ZFPM2: variants seen among roughly 807,000 people sequenced by gnomAD.
ZFPM2 encodes zinc finger protein, FOG family member 2.
ZFPM2 carries 20 observed loss-of-function variants against 98.6 expected under a neutral mutation model. The observed-to-expected ratio is 0.20, with a 90% CI of 0.14 to 0.29. The LOEUF is 0.29. Ranked by LOEUF, ZFPM2 falls within the 10% of genes least tolerant of loss-of-function variation. The pLI is 1.00. For synonymous variants in ZFPM2, 518 were observed against 502.7 expected, an observed-to-expected ratio of 1.03 and a Z score of -0.41; for missense variants, 1,310 against 1,388.6, an observed-to-expected ratio of 0.94 and a Z score of 0.90.
rs556705434 is a variant in ZFPM2, at chr8:105,654,583, T to A, written c.532+20226T>A. On this transcript the variant is annotated intron_variant, in intron 5 of 7. Coordinates refer to ENST00000407775, the MANE Select transcript of ZFPM2 (RefSeq NM_012082.4). ...TTATCTTTTTTTCTATCCTTTTTTT[T>A]TTTAAAAATGAAAGCACCTTAGGGA... 4.6e-5 allele frequency among the ~76,000 whole-genome samples: 7 copies of A among 152,244 alleles called. 1 individual carries two copies. In the South Asian group the frequency reaches 1.5e-3, roughly 32 times the overall value.
In ZFPM2 at chr8:105,318,487, C is replaced by G. The variant is rs1259752590; in HGVS notation, c.-455C>G. 1.3e-5 allele frequency among the ~76,000 whole-genome samples: 2 copies of G among 149,848 alleles called. No homozygotes were observed. The highest frequency in any genetic ancestry group is 4.2e-4 in the South Asian group (2 of 4,762). ...GCGGCGGCGGCGGCGCCGGAGTATC[C>G]GTCCCGCACGCCGGGGCGAGGGGCG... On this transcript the variant is annotated 5_prime_UTR_variant, in exon 1 of 8. Transcript: ENST00000407775.
rs567672744 is a variant in ZFPM2, at chr8:105,622,795, A to G, written c.421-11451A>G. 1.2e-4 allele frequency among the ~76,000 whole-genome samples: 19 copies of G among 152,300 alleles called. No individual in the cohort carries two copies. In the East Asian group the frequency reaches 1.9e-3, roughly 15 times the overall value. ...TGCAGAATTAGTATAGTCCTTCTGCATCTGTTGATTTGGTGAAAAAACAAA... is the reference window on the plus strand; with the variant it reads ...TGCAGAATTAGTATAGTCCTTCTGCGTCTGTTGATTTGGTGAAAAAACAAA... On this transcript the variant is annotated intron_variant, in intron 4 of 7. Transcript: ENST00000407775.
At chr8:105,613,825 C>T (rs1314632047) in intron 4 of ZFPM2, among the ~76,000 whole-genome samples, 1 of 151,926 alleles carries the variant, frequency 6.6e-6, no homozygotes, top group Non-Finnish European at 1.5e-5. Flanking sequence ...AATCATTTTG[C>T]CCCCCAAAAA....
In ZFPM2 at chr8:105,598,634, G is replaced by A. The variant is rs75372358; in HGVS notation, c.421-35612G>A. 7.3e-3 allele frequency among the ~76,000 whole-genome samples: 1,105 copies of A among 152,058 alleles called. 11 individuals carry two copies. Among genetic ancestry groups the A allele is most frequent in the African/African-American group, 0.025 (1,044 of 41,490 alleles). ...GCTACCTCACTTCACGCTTTCTCAC[G>A]TTAAATAAACTAGTTTTATTTCCAA... On this transcript the variant is annotated intron_variant, in intron 4 of 7. Coordinates refer to ENST00000407775, the MANE Select transcript of ZFPM2 (RefSeq NM_012082.4).
At chr8:105,753,079 A>G (rs1278321635) in intron 5 of ZFPM2, among the ~76,000 whole-genome samples, 1 of 152,118 alleles carries the variant, frequency 6.6e-6, no homozygotes, top group Non-Finnish European at 1.5e-5. Context: ...GGCCAGGGTC[A>G]CCCAAAGGGG....
intron 5 of ZFPM2, among the ~76,000 whole-genome samples, chr8:105,646,732 G>C (rs1377578315): frequency 6.6e-6 from 1 of 152,070 alleles, no homozygotes; most frequent in Non-Finnish European, 1.5e-5. Flanking sequence ...AAGAACAACA[G>C]TCCCCCGAGA....
chr8:105,552,535 G>C (rs146003330), intron 3 of ZFPM2, among the ~76,000 whole-genome samples: 1,537 of 152,224 alleles, frequency 0.01, 12 homozygotes, highest in Middle Eastern at 0.024. Context: ...ACTTCCAGCA[G>C]CTGAAAAGTC....
intron 5 of ZFPM2, among the ~76,000 whole-genome samples, chr8:105,687,435 A>C (rs1810767004): frequency 6.6e-6 from 1 of 152,334 alleles, no homozygotes; most frequent in Non-Finnish European, 1.5e-5. Flanking sequence ...ATTCAAAGAA[A>C]TCACTTTGAA....
chr8:105,660,237 T>C (rs759075284), intron 5 of ZFPM2, among the ~76,000 whole-genome samples: 27 of 152,174 alleles, frequency 1.8e-4, no homozygotes, highest in Non-Finnish European at 3.2e-4. Flanking sequence ...TTTTCATTGT[T>C]TGGTTCCTAA....
intron 5 of ZFPM2, among the ~76,000 whole-genome samples, chr8:105,647,534 C>T (rs1359213359): frequency 6.7e-5 from 10 of 149,788 alleles, no homozygotes; most frequent in African/African-American, 2.2e-4. Flanking sequence ...CGCCCCCCCC[C>T]ACCCCACAAC....
At chr8:105,536,725 A>G (rs1814460782) in intron 3 of ZFPM2, among the ~76,000 whole-genome samples, 1 of 152,170 alleles carries the variant, frequency 6.6e-6, no homozygotes, top group African/African-American at 2.4e-5. Context: ...GGAGACTTGT[A>G]TGAAAGCATG....
chr8:105,441,452 G>GAGAA (rs34216988), intron 2 of ZFPM2, among the ~76,000 whole-genome samples: 1,064 of 38,942 alleles, frequency 0.027, 64 homozygotes, highest in South Asian at 0.036. Context: ...GAGAGAGAGA[G>GAGAA]AGAAAGAAAG....
At chr8:105,770,315 T>C (rs928331344) in intron 5 of ZFPM2, among the ~76,000 whole-genome samples, 1 of 152,110 alleles carries the variant, frequency 6.6e-6, no homozygotes, top group African/African-American at 2.4e-5. Flanking sequence ...AGAGATGAGC[T>C]ATGGCAATGA....
At chr8:105,532,313 A>C (rs187498080) in intron 3 of ZFPM2, among the ~76,000 whole-genome samples, 3 of 152,354 alleles carry the variant, frequency 2.0e-5, no homozygotes, top group Admixed American at 1.3e-4. Flanking sequence ...CAGAACTTAT[A>C]TGAATTTTTA....
chr8:105,638,106 G>A (rs540055263), intron 5 of ZFPM2, among the ~76,000 whole-genome samples: 3 of 152,092 alleles, frequency 2.0e-5, no homozygotes, highest in East Asian at 3.9e-4. Flanking sequence ...CTTCTTTCTT[G>A]TGTGGGCATC....
At chr8:105,648,138 G>A (rs1284727723) in intron 5 of ZFPM2, among the ~76,000 whole-genome samples, 3 of 152,176 alleles carry the variant, frequency 2.0e-5, no homozygotes, top group South Asian at 2.1e-4. Flanking sequence ...GTGATGATGA[G>A]CCTTTTTTCC....
At chr8:105,785,014 A>G (rs1309110340) in intron 5 of ZFPM2, 1 of 149,608 alleles carries the variant, frequency 6.7e-6, no homozygotes, top group Admixed American at 6.6e-5. Flanking sequence ...CTCTTGGTAC[A>G]TTTTAATGAT....
At chr8:105,766,412 C>A (rs1417542326) in intron 5 of ZFPM2, among the ~76,000 whole-genome samples, 1 of 151,832 alleles carries the variant, frequency 6.6e-6, no homozygotes, top group Admixed American at 6.6e-5. Flanking sequence ...TGAGTTCCAT[C>A]CTATAGGCAA....
chr8:105,582,018 A>G (rs1815612899), intron 4 of ZFPM2, among the ~76,000 whole-genome samples: 2 of 152,230 alleles, frequency 1.3e-5, no homozygotes, highest in South Asian at 2.1e-4. Context: ...GTTGGAATCA[A>G]TATTTGAAAA....
Sources: allele counts gnomAD v4.1 joint callset (sites outside exome capture counted in the v4.1 genomes callset), GRCh38; gene constraint gnomAD v4.1.1; transcripts MANE v1.5; gene names NCBI Gene and HGNC (gene_info 2026-07-23, HGNC 2026-07-21).